Variants in MEF2C observed in about 807,000 individuals in gnomAD.
MEF2C encodes myocyte enhancer factor 2C.
In MEF2C, 6 loss-of-function variants were observed where a neutral mutation model predicts 50.5. The ratio of observed to expected loss-of-function variants is 0.12; its 90% CI spans 0.07 to 0.23. The LOEUF is 0.23. MEF2C is among the 10% of genes least tolerant of loss of function. The pLI is 1.00. For missense variants in MEF2C, 276 were observed against 605.0 expected (o/e 0.46, Z 5.70); for synonymous variants, 183 against 228.0 (o/e 0.80, Z 1.78).
intron 1 of MEF2C, among the ~76,000 whole-genome samples, chr5:88,869,274 T>TAC (rs1561419926): frequency 1.1e-3 from 50 of 46,096 alleles, no homozygotes; most frequent in Non-Finnish European, 1.3e-3. Context: ...TATATATATA[T>TAC]ATACATATAT....
At chr5:88,752,477 G>A (rs559721549) in intron 4 of MEF2C, 59 of 463,464 alleles carry the variant, frequency 1.3e-4, no homozygotes, top group Non-Finnish European at 1.6e-4. Flanking sequence ...TTATGTAGAA[G>A]TTTAATGATA....
At chr5:88,895,853 C>T (rs1179095046) in intron 1 of MEF2C, among the ~76,000 whole-genome samples, 1 of 152,208 alleles carries the variant, frequency 6.6e-6, no homozygotes, top group East Asian at 1.9e-4. Flanking sequence ...TCAGAGGAGC[C>T]GGCCACTACA....
intron 1 of MEF2C, among the ~76,000 whole-genome samples, chr5:88,878,516 A>G (rs936161149): frequency 3.9e-5 from 6 of 152,046 alleles, no homozygotes; most frequent in African/African-American, 1.4e-4. Context: ...ACTAACTTCT[A>G]CCTCATTAAG....
chr5:88,818,270 C>A (rs1034634075), intron 2 of MEF2C, among the ~76,000 whole-genome samples: 3 of 151,902 alleles, frequency 2.0e-5, no homozygotes, highest in African/African-American at 7.2e-5. Flanking sequence ...CAAGCACCCC[C>A]AAAACCATCT....
intron 3 of MEF2C, among the ~76,000 whole-genome samples, chr5:88,787,895 A>C (rs1376569638): frequency 6.6e-6 from 1 of 152,178 alleles, no homozygotes; most frequent in Non-Finnish European, 1.5e-5. Flanking sequence ...CTTCTTCCTC[A>C]GGGCAATTCC....
intron 4 of MEF2C, chr5:88,752,471 G>T: frequency 2.4e-6 from 1 of 414,376 alleles, no homozygotes; most frequent in Non-Finnish European, 3.3e-6. Flanking sequence ...GCATATTTAT[G>T]TAGAAGTTTA....
At chr5:88,891,935 T>G (rs950126512) in intron 1 of MEF2C, among the ~76,000 whole-genome samples, 1 of 152,202 alleles carries the variant, frequency 6.6e-6, no homozygotes, top group Non-Finnish European at 1.5e-5. Context: ...AGTAGTTACC[T>G]TTTAACTTAA....
chr5:88,778,443 G>A (rs1044943912), intron 3 of MEF2C, among the ~76,000 whole-genome samples: 1 of 152,116 alleles, frequency 6.6e-6, no homozygotes, highest in Non-Finnish European at 1.5e-5. Flanking sequence ...ATTTGCTTGA[G>A]CAGATGGGGG....
At position 88,823,875 on chromosome 5, in the gene MEF2C, A is replaced by G. The variant is rs575168557; in HGVS notation, c.-87T>C. ...TCTCTTTCCTGTTTCCTCCAAACAA[A>G]TCTCCTTCTTCAGCACTTGCACAGC... On this transcript the variant is annotated 5_prime_UTR_variant, in exon 2 of 11. Transcript: ENST00000504921. 1.0e-5 allele frequency: 16 copies of G among 1,587,906 alleles called. No homozygotes were observed. Among genetic ancestry groups the G allele is most frequent in the Non-Finnish European group, 1.3e-5 (15 of 1,167,336 alleles).
intron 10 of MEF2C, among the ~76,000 whole-genome samples, chr5:88,726,697 T>C (rs1442639628): frequency 1.3e-5 from 2 of 152,162 alleles, no homozygotes; most frequent in Non-Finnish European, 2.9e-5. Context: ...ATGCTTAACC[T>C]TTGGCTGTTG....
chr5:88,737,890 T>C (rs1441955013), intron 6 of MEF2C: 3 of 985,048 alleles, frequency 3.0e-6, no homozygotes, highest in South Asian at 9.4e-5. Context: ...GTGCCTAAGA[T>C]AGCTTCTTAG....
In MEF2C at chr5:88,804,604, G is replaced by A. The variant is rs780952466; in HGVS notation, c.252C>T (p.Ile84=). ...EPHESRTNSD[I]VETLRKKGLN... Reference sequence around the variant, plus strand: ...ACCACGCATGCTCTCTCACCTCCACGATGTCTGAGTTTGTCCGGCTCTCAT... The same window carrying A: ...ACCACGCATGCTCTCTCACCTCCACAATGTCTGAGTTTGTCCGGCTCTCAT... Residue 84 remains isoleucine (I), a synonymous_variant, in exon 3 of 11, where the codon ATC becomes ATT. Coordinates refer to ENST00000504921, the MANE Select transcript of MEF2C (RefSeq NM_002397.5). The A allele has an allele frequency of 9.9e-6, 16 of 1,613,716 alleles. No homozygotes were observed. The East Asian group carries it at 1.3e-4, about 13-fold the overall frequency.
At chr5:88,850,463 T>C (rs1049185988) in intron 1 of MEF2C, among the ~76,000 whole-genome samples, 9 of 151,850 alleles carry the variant, frequency 5.9e-5, no homozygotes, top group African/African-American at 2.2e-4. Flanking sequence ...CTAAAAAGAG[T>C]CCAACATTTT....
intron 1 of MEF2C, among the ~76,000 whole-genome samples, chr5:88,895,208 T>G (rs1457621642): frequency 6.6e-6 from 1 of 152,238 alleles, no homozygotes; most frequent in Non-Finnish European, 1.5e-5. Flanking sequence ...TCCAAACAGT[T>G]ATTTTATGTA....
At chr5:88,862,177 T>TA (rs1825724592) in intron 1 of MEF2C, among the ~76,000 whole-genome samples, 1 of 152,234 alleles carries the variant, frequency 6.6e-6, no homozygotes, top group African/African-American at 2.4e-5. Flanking sequence ...GCTCTTTACA[T>TA]AAAACTTTAT....
intron 1 of MEF2C, among the ~76,000 whole-genome samples, chr5:88,828,285 T>C (rs1561235079): frequency 6.6e-6 from 1 of 152,000 alleles, no homozygotes; most frequent in African/African-American, 2.4e-5. Context: ...GCTAAACTTA[T>C]CTTTGCAAAG....
At chr5:88,805,754 A>G (rs1455564023) in intron 2 of MEF2C, among the ~76,000 whole-genome samples, 1 of 146,280 alleles carries the variant, frequency 6.8e-6, no homozygotes, top group Non-Finnish European at 1.5e-5. Flanking sequence ...ACTCTTCCCA[A>G]TTTCAACTCT....
Position 88,893,873 on chromosome 5 carries a change from C to G in MEF2C, c.-239-6275G>C, listed in dbSNP as rs1834847228. On this transcript the variant is annotated intron_variant, in intron 1 of 11. Transcript: ENST00000340208. ...GAGTGATTAAAACCAGTTTGTTTCA[C>G]CAAAGTACTGATTGAGTCAAAGACT... 2.0e-5 allele frequency among the ~76,000 whole-genome samples: 3 copies of G among 152,166 alleles called. No homozygotes were observed. In the South Asian group the frequency reaches 6.2e-4, roughly 32 times the overall value.
At chr5:88,804,922 T>A in intron 2 of MEF2C, 121 bp from the exon 3 acceptor site, 1 of 675,226 alleles carries the variant, frequency 1.5e-6, no homozygotes, top group Non-Finnish European at 2.5e-6. Context: ...CCCTGGGCAC[T>A]AACACATTCA....
Sources: gnomAD v4.1 joint callset for allele counts (sites outside exome capture counted in the v4.1 genomes callset) on GRCh38, gnomAD v4.1.1 for gene constraint, MANE v1.5 for transcripts, NCBI Gene and HGNC (gene_info 2026-07-23, HGNC 2026-07-21) for gene names.